Variants in DLG2 observed in about 807,000 individuals in gnomAD.
DLG2 encodes the protein discs large MAGUK scaffold protein 2.
Under a neutral mutation model 132.5 loss-of-function variants are expected in DLG2, and 45 were observed. That is an observed-to-expected ratio of 0.34 (90% CI 0.27 to 0.44). DLG2 has a LOEUF of 0.44. Ranked by LOEUF, DLG2 falls within the 20% of genes least tolerant of loss-of-function variation. The probability of loss-of-function intolerance (pLI) is 1.00; values close to 1 mark genes in which losing one functional copy is unlikely to be tolerated. For missense variants in DLG2, 1,045 were observed against 1,196.9 expected, an observed-to-expected ratio of 0.87 and a Z score of 1.87; for synonymous variants, 424 against 419.6, an observed-to-expected ratio of 1.01 and a Z score of -0.13.
intron 7 of DLG2, among the ~76,000 whole-genome samples, chr11:84,263,264 G>A (rs1598608022): frequency 6.6e-6 from 1 of 152,030 alleles, no homozygotes; most frequent in Non-Finnish European, 1.5e-5. Context: ...TTCATTCTGG[G>A]AAATGATCTC....
chr11:84,048,844 A>AC (rs2096292559), intron 11 of DLG2, among the ~76,000 whole-genome samples: 1 of 151,804 alleles, frequency 6.6e-6, no homozygotes, highest in African/African-American at 2.4e-5. Flanking sequence ...AAAGAAAAAA[A>AC]AACACACACA....
At chr11:83,709,790 A>G (rs1303493316) in intron 18 of DLG2, among the ~76,000 whole-genome samples, 2 of 152,222 alleles carry the variant, frequency 1.3e-5, no homozygotes, top group African/African-American at 2.4e-5. Flanking sequence ...TTGGAAAGTA[A>G]CAATGGCACT....
At chr11:84,291,472 A>G (rs2097996816) in intron 7 of DLG2, among the ~76,000 whole-genome samples, 1 of 152,188 alleles carries the variant, frequency 6.6e-6, no homozygotes, top group African/African-American at 2.4e-5. Context: ...GAAAACATGA[A>G]AAAGTCAGTA....
intron 7 of DLG2, among the ~76,000 whole-genome samples, chr11:84,479,092 G>A (rs1227971756): frequency 6.6e-6 from 1 of 152,036 alleles, no homozygotes; most frequent in Non-Finnish European, 1.5e-5. Context: ...TCATAACAGA[G>A]GAAAAGTGAC....
intron 7 of DLG2, among the ~76,000 whole-genome samples, chr11:84,458,489 T>A (rs1340921493): frequency 6.6e-6 from 1 of 150,850 alleles, no homozygotes; most frequent in African/African-American, 2.4e-5. Flanking sequence ...CCCATTGGTA[T>A]TTTATTTATA....
intron 11 of DLG2, among the ~76,000 whole-genome samples, chr11:84,019,402 G>T (rs555662314): frequency 6.6e-6 from 1 of 152,034 alleles, no homozygotes; most frequent in Non-Finnish European, 1.5e-5. Flanking sequence ...GAACTAGAAG[G>T]GTGAAACAAA....
rs2089494494 is a variant in DLG2, at chr11:83,459,531, T to C, written c.*287A>G. On this transcript the variant is annotated 3_prime_UTR_variant, in exon 28 of 28. Transcript: ENST00000376104. ...TGGACATCTGCTGGGGTGAGGAGGC[T>C]CTCATCTCATCTCTTGGGCAGAAAG... 4.0e-6 allele frequency: 1 copy of C among 248,858 alleles called. No individual in the cohort carries two copies. Among genetic ancestry groups the C allele is most frequent in the Admixed American group, 4.9e-5 (1 of 20,224 alleles). 15.4% of individuals were successfully genotyped at this position (248,858 alleles called of 1,614,324 possible). A position where few individuals can be genotyped will look rare whatever the true frequency, so the allele number is the denominator to read the frequency against.
intron 6 of DLG2, among the ~76,000 whole-genome samples, chr11:84,972,200 A>AAT (rs1179493308): frequency 6.6e-6 from 1 of 152,218 alleles, no homozygotes; most frequent in African/African-American, 2.4e-5. Flanking sequence ...AAGTGAACAG[A>AAT]ATAGAGCCTC....
intron 7 of DLG2, among the ~76,000 whole-genome samples, chr11:84,377,629 T>C (rs1330577992): frequency 6.6e-6 from 1 of 152,100 alleles, no homozygotes; most frequent in East Asian, 1.9e-4. Context: ...TTAAGCAAGT[T>C]TGACAAAATG....
intron 12 of DLG2, among the ~76,000 whole-genome samples, chr11:83,972,831 G>C (rs1246208743): frequency 2.0e-5 from 3 of 152,100 alleles, no homozygotes; most frequent in Non-Finnish European, 4.4e-5. Context: ...CCAGGCACAG[G>C]ATATAAGGAT....
At chr11:85,205,991 G>A (rs1173183779) in intron 4 of DLG2, among the ~76,000 whole-genome samples, 2 of 152,124 alleles carry the variant, frequency 1.3e-5, no homozygotes, top group African/African-American at 4.8e-5. Flanking sequence ...AATCTCATGT[G>A]GAATTGTAAT....
intron 4 of DLG2, among the ~76,000 whole-genome samples, chr11:85,238,481 C>A (rs2075714182): frequency 6.6e-6 from 1 of 151,758 alleles, no homozygotes; most frequent in Non-Finnish European, 1.5e-5. Context: ...TGACCTCAGG[C>A]AATCCACCTG....
intron 7 of DLG2, among the ~76,000 whole-genome samples, chr11:84,390,337 G>A (rs1481000165): frequency 6.6e-6 from 1 of 152,134 alleles, no homozygotes; most frequent in Non-Finnish European, 1.5e-5. Flanking sequence ...CTATTTTGTT[G>A]TAGGAAGGGG....
intron 7 of DLG2, among the ~76,000 whole-genome samples, chr11:84,485,016 A>C (rs1007724316): frequency 6.6e-6 from 1 of 152,152 alleles, no homozygotes; most frequent in Non-Finnish European, 1.5e-5. Context: ...ATGTAAGGTA[A>C]ATTTAATCCA....
intron 7 of DLG2, among the ~76,000 whole-genome samples, chr11:84,459,802 T>A (rs1044758634): frequency 6.6e-6 from 1 of 150,646 alleles, no homozygotes. Context: ...TTGGCCCATA[T>A]CTTGAGTTTT....
chr11:83,923,762 C>T (rs1240859647), intron 15 of DLG2, among the ~76,000 whole-genome samples: 1 of 152,040 alleles, frequency 6.6e-6, no homozygotes, highest in Non-Finnish European at 1.5e-5. Flanking sequence ...TTATTTCAAC[C>T]CTGCTCTATA....
chr11:83,475,453 G>A (rs1353377762), intron 22 of DLG2, among the ~76,000 whole-genome samples: 1 of 151,798 alleles, frequency 6.6e-6, no homozygotes, highest in Non-Finnish European at 1.5e-5. Context: ...AATGAGCCCT[G>A]ATTCCTCAGC....
At chr11:83,766,537 G>A (rs2094154967) in intron 18 of DLG2, among the ~76,000 whole-genome samples, 1 of 151,800 alleles carries the variant, frequency 6.6e-6, no homozygotes, top group Non-Finnish European at 1.5e-5. Context: ...GAGATTGTGT[G>A]CCTTTAATTA....
intron 3 of DLG2, among the ~76,000 whole-genome samples, chr11:85,516,136 A>T (rs544084529): frequency 6.6e-6 from 1 of 152,160 alleles, no homozygotes; most frequent in South Asian, 2.1e-4. Flanking sequence ...CTAGAAATCA[A>T]TTCTAAGAAG....
Sources: allele counts gnomAD v4.1 joint callset (sites outside exome capture counted in the v4.1 genomes callset), GRCh38; gene constraint gnomAD v4.1.1; transcripts MANE v1.5; gene names NCBI Gene and HGNC (gene_info 2026-07-23, HGNC 2026-07-21).